The following FAXDC2 variants were observed in gnomAD, a reference collection of about 807,000 sequenced individuals.
The protein encoded by FAXDC2 is fatty acid hydroxylase domain-containing protein 2.
In FAXDC2, 41 loss-of-function variants were observed where a neutral mutation model predicts 40.9. The ratio of observed to expected loss-of-function variants is 1.00; its 90% CI spans 0.78 to 1.30. The LOEUF is 1.30. Among genes scored for constraint, FAXDC2 ranks in the 50% most tolerant of loss-of-function variants. The pLI is 0.00. For synonymous variants in FAXDC2, 157 were observed against 149.3 expected, an observed-to-expected ratio of 1.05 and a Z score of -0.38; for missense variants, 390 against 408.8, an observed-to-expected ratio of 0.95 and a Z score of 0.40.
chr5:154,825,690 G>T (rs961070624), intron 5 of FAXDC2, among the ~76,000 whole-genome samples: 2 of 122,998 alleles, frequency 1.6e-5, no homozygotes, highest in South Asian at 5.9e-4. Flanking sequence ...GACAAGAGAA[G>T]ATGGTGAATT....
At position 154,822,488 on chromosome 5, in the gene FAXDC2, T is replaced by G; in HGVS notation, c.662A>C (p.His221Pro). ...TCTACTCACTGCATGCTCTATAGGG[T>G]GGGCATAGAGAGAGATCACGCCAAT... ...APIGVISLYA[H>P]PIEHAVSNML... The change falls in exon 7 of 9, where the codon CAC becomes CCC. Residue 221 changes from histidine to proline, a missense_variant. By Grantham distance (77) the His-to-Pro change is moderately conservative. Coordinates refer to ENST00000326080, the MANE Select transcript of FAXDC2 (RefSeq NM_032385.5). 6.2e-7 allele frequency: 1 copy of G among 1,611,670 alleles called. No homozygotes were observed. Among genetic ancestry groups the G allele is most frequent in the South Asian group, 1.1e-5 (1 of 91,024 alleles).
At chr5:154,825,820 AAG>A (rs1325678156) in intron 5 of FAXDC2, among the ~76,000 whole-genome samples, 1 of 151,966 alleles carries the variant, frequency 6.6e-6, no homozygotes, top group African/African-American at 2.4e-5. Flanking sequence ...GTATGAAGGA[AAG>A]AGAGTAGTCA....
At chr5:154,820,716 C>A in intron 8 of FAXDC2, 1 of 398,578 alleles carries the variant, frequency 2.5e-6, no homozygotes, top group South Asian at 4.7e-5. Flanking sequence ...TGATTGATGC[C>A]CACAGTCTGA....
At chr5:154,846,269 A>AGTGT (rs10674936) in intron 1 of FAXDC2, among the ~76,000 whole-genome samples, 6,155 of 147,392 alleles carry the variant, frequency 0.042, 138 homozygotes, top group African/African-American at 0.064. Flanking sequence ...TGAACTAGAT[A>AGTGT]GTGTGTGTGT....
intron 8 of FAXDC2, chr5:154,820,788 A>G (rs935731289): frequency 3.6e-6 from 1 of 275,876 alleles, no homozygotes; most frequent in African/African-American, 2.3e-5. Flanking sequence ...ATCCCCTGGA[A>G]CACTTAACTA....
chr5:154,834,287 A>G (rs1429417232), intron 4 of FAXDC2, among the ~76,000 whole-genome samples: 1 of 152,172 alleles, frequency 6.6e-6, no homozygotes, highest in East Asian at 1.9e-4. Flanking sequence ...TACAGGGTAC[A>G]TAGTCTCAGA....
intron 2 of FAXDC2, among the ~76,000 whole-genome samples, chr5:154,837,872 A>G (rs968733702): frequency 6.6e-6 from 1 of 152,234 alleles, no homozygotes; most frequent in Non-Finnish European, 1.5e-5. Flanking sequence ...CAGGAGAGCC[A>G]AGAGGAGAAG....
chr5:154,824,424 C>T lies in FAXDC2; in HGVS notation c.367-832G>A, dbSNP rs564553543. The T allele has an allele frequency of 2.4e-4, 165 of 695,120 alleles. 2 individuals are homozygous for T. The highest frequency in any genetic ancestry group is 2.4e-3 in the Admixed American group (117 of 49,390). The allele number at this position is 695,120 out of a possible 1,614,324, so 43.1% of individuals were successfully genotyped here. A position where few individuals can be genotyped will look rare whatever the true frequency, so the allele number is the denominator to read the frequency against. The stretch of plus-strand genomic sequence containing the variant: ...CTGGAGGGATTTCTGCCCCAAAGCG[C>T]GACAGGTTCAGAATGGTCCCCAGCT... On this transcript the variant is annotated intron_variant, in intron 5 of 8. Transcript: ENST00000326080.
chr5:154,846,271 T>C (rs1175346232), intron 1 of FAXDC2, among the ~76,000 whole-genome samples: 1 of 128,468 alleles, frequency 7.8e-6, no homozygotes, highest in Non-Finnish European at 1.7e-5. Flanking sequence ...AACTAGATAG[T>C]GTGTGTGTGT....
At chr5:154,832,938 C>A (rs527271128) in intron 4 of FAXDC2, among the ~76,000 whole-genome samples, 1 of 152,308 alleles carries the variant, frequency 6.6e-6, no homozygotes, top group South Asian at 2.1e-4. Flanking sequence ...GAAAACAATC[C>A]TCAGGTGCAT....
intron 4 of FAXDC2, among the ~76,000 whole-genome samples, chr5:154,833,461 T>C (rs1419531439): frequency 1.3e-5 from 2 of 149,644 alleles, no homozygotes; most frequent in Non-Finnish European, 3.0e-5. Flanking sequence ...TTCTCATGCC[T>C]CAGCCTCCTG....
chr5:154,849,125 C>T (rs1369432552), intron 1 of FAXDC2, among the ~76,000 whole-genome samples: 3 of 151,184 alleles, frequency 2.0e-5, no homozygotes, highest in Non-Finnish European at 3.0e-5. Flanking sequence ...ACTAAAAATA[C>T]GAAAATTAGC....
At chr5:154,840,243 A>AT (rs527412859) in intron 1 of FAXDC2, among the ~76,000 whole-genome samples, 4 of 151,788 alleles carry the variant, frequency 2.6e-5, no homozygotes, top group Admixed American at 6.6e-5. Flanking sequence ...CCTTTGACCC[A>AT]TTTTTTTTAT....
At chr5:154,842,523 T>G (rs1311263432) in intron 1 of FAXDC2, among the ~76,000 whole-genome samples, 1 of 123,110 alleles carries the variant, frequency 8.1e-6, no homozygotes, top group Non-Finnish European at 1.7e-5. Flanking sequence ...TTTTTTTTTT[T>G]TTTTTTTTTT....
At chr5:154,834,569 A>T in intron 4 of FAXDC2, 56 bp downstream of exon 4, 3 of 1,224,310 alleles carry the variant, frequency 2.5e-6, no homozygotes, top group South Asian at 1.3e-5. Flanking sequence ...CAACAAAAAG[A>T]ATTAAGTTAT....
At position 154,834,829 on chromosome 5, in the gene FAXDC2, T is replaced by G. The variant is rs1760279039; in HGVS notation, c.140+14A>C. ...ACCACCACACTGCACCCTAGCTGGG[T>G]GGAGCCGACTTACCATGTCACTGAG... On this transcript the variant is annotated intron_variant, in intron 3 of 8. Transcript: ENST00000326080. 6 of 1,607,898 alleles carry G rather than the reference T, an allele frequency of 3.7e-6. No homozygotes were observed. Among genetic ancestry groups the G allele is most frequent in the Non-Finnish European group, 5.1e-6 (6 of 1,175,722 alleles).
chr5:154,827,347 A>G (rs993563470), intron 5 of FAXDC2, among the ~76,000 whole-genome samples: 3 of 151,476 alleles, frequency 2.0e-5, no homozygotes, highest in African/African-American at 4.8e-5. Flanking sequence ...AAGAGTGGAC[A>G]GACAGGAATT....
Position 154,831,140 on chromosome 5 carries a change from GA to G in FAXDC2, c.245-219del, listed in dbSNP as rs1449294076. ...TCCATTTTCTTAGCCATAAAATAGG[GA>G]CAACCTTCAAGGTGGTTGGTGGTTT... On this transcript the variant is annotated intron_variant, in intron 4 of 8. Coordinates refer to ENST00000326080, the MANE Select transcript of FAXDC2 (RefSeq NM_032385.5). The G allele has an allele frequency of 2.2e-5, 10 of 462,398 alleles. No individual in the cohort carries two copies. In the East Asian group the frequency reaches 3.3e-4, roughly 15 times the overall value. The allele number at this position is 462,398 out of a possible 1,614,324, so 28.6% of individuals were successfully genotyped here.
In FAXDC2 at chr5:154,821,275, T is replaced by A. The variant is rs2113117775; in HGVS notation, c.830A>T (p.Asp277Val). The change falls in exon 8 of 9, where the codon GAC becomes GTC. Residue 277 changes from aspartate to valine, a missense_variant. By Grantham distance (152) the Asp-to-Val change is radical. Coordinates refer to ENST00000326080, the MANE Select transcript of FAXDC2 (RefSeq NM_032385.5). ...LPFLPSPEFH[D>V]YHHLKFNQCY... Reference sequence around the variant, plus strand: ...AGGTCCTTACTTGAGATGGTGGTAGTCGTGGAATTCAGGCGAAGGCAGGAA... The same window carrying A: ...AGGTCCTTACTTGAGATGGTGGTAGACGTGGAATTCAGGCGAAGGCAGGAA... The A allele has an allele frequency of 6.2e-7, 1 of 1,611,926 alleles. No homozygotes were observed. The highest frequency in any genetic ancestry group is 2.2e-5 in the East Asian group (1 of 44,584).
Sources: allele counts gnomAD v4.1 joint callset (sites outside exome capture counted in the v4.1 genomes callset), GRCh38; gene constraint gnomAD v4.1.1; transcripts MANE v1.5; gene names NCBI Gene and HGNC (gene_info 2026-07-23, HGNC 2026-07-21).